Variants in MYO9A observed in about 807,000 individuals in gnomAD.
The protein encoded by MYO9A is unconventional myosin-IXa.
Under a neutral mutation model 293.3 loss-of-function variants are expected in MYO9A, and 103 were observed. That is an observed-to-expected ratio of 0.35 (90% CI 0.30 to 0.41). The LOEUF (loss-of-function observed/expected upper bound fraction) is 0.41, where lower values mean the gene tolerates loss of function less well. Among genes scored for constraint, MYO9A ranks in the 10% least tolerant of loss-of-function variants. The pLI, the probability that MYO9A is intolerant of heterozygous loss-of-function variation, is 1.00. For missense variants in MYO9A, 2,685 were observed against 3,033.0 expected (o/e 0.89, Z 2.69); for synonymous variants, 1,001 against 1,035.7 (o/e 0.97, Z 0.64).
chr15:71,947,649 C>G (rs1005071055), intron 15 of MYO9A, among the ~76,000 whole-genome samples: 2 of 152,154 alleles, frequency 1.3e-5, no homozygotes, highest in African/African-American at 2.4e-5. Context: ...ACTAAACTTT[C>G]AATCATCTGA....
intron 39 of MYO9A, among the ~76,000 whole-genome samples, chr15:71,832,310 G>C (rs909969685): frequency 2.0e-5 from 3 of 152,066 alleles, no homozygotes; most frequent in Non-Finnish European, 4.4e-5. Flanking sequence ...GATCATGGCA[G>C]AGAATTTTTT....
In MYO9A at chr15:71,897,958, C is replaced by T. The variant is rs763319400; in HGVS notation, c.4545G>A (p.Gln1515=). 6.2e-7 allele frequency: 1 copy of T among 1,614,178 alleles called. No individual in the cohort carries two copies. Among genetic ancestry groups the T allele is most frequent in the South Asian group, 1.1e-5 (1 of 91,082 alleles). Residue 1515 remains glutamine, a synonymous_variant, in exon 25 of 42, where the codon CAG becomes CAA. Transcript: ENST00000356056. ...QQQNEKEMME[Q]IRQQTDILEK... ...CTAAAATATCTGTTTGCTGGCGAAT[C>T]TGTTCCATCATCTCTTTTTCATTCT... is the stretch of plus-strand genomic sequence containing the variant.
At chr15:71,829,362 A>G (rs1418408697) in intron 40 of MYO9A, among the ~76,000 whole-genome samples, 2 of 152,168 alleles carry the variant, frequency 1.3e-5, no homozygotes, top group Non-Finnish European at 2.9e-5. Context: ...GAACTCAGGA[A>G]TAAAGATCCC....
chr15:71,992,984 T>C (rs1040653002), intron 10 of MYO9A, among the ~76,000 whole-genome samples: 1 of 151,376 alleles, frequency 6.6e-6, no homozygotes, highest in African/African-American at 2.4e-5. Context: ...AAAAAGTAAA[T>C]AACTAAGAGA....
In MYO9A at chr15:71,898,791, C is replaced by A. The variant is rs1464417728; in HGVS notation, c.3712G>T (p.Ala1238Ser). The A allele has an allele frequency of 6.2e-7, 1 of 1,614,038 alleles. No homozygotes were observed. Among genetic ancestry groups the A allele is most frequent in the Non-Finnish European group, 8.5e-7 (1 of 1,180,040 alleles). Reference sequence around the variant, plus strand: ...AAGTCCACACCACTCTGGCTTTGGGCTCTCTCCTGCTGCTTGTTTGGTGAC... The same window carrying A: ...AAGTCCACACCACTCTGGCTTTGGGATCTCTCCTGCTGCTTGTTTGGTGAC... ...KESPNKQQER[A>S]QSQSGVDLQE... Residue 1238 changes from alanine (A) to serine (S), a missense_variant, in exon 25 of 42, where the codon GCC (alanine) becomes TCC (serine). Physicochemically the swap from Ala to Ser is moderately conservative, Grantham distance 99 (BLOSUM62 1). Around this residue, in one of 10 missense-constraint regions of MYO9A, gnomAD observed 1,434 missense variants for 1,497.7 expected, o/e 0.96. Transcript: ENST00000356056.
intron 11 of MYO9A, 124 bp from the exon 12 acceptor site, chr15:71,978,416 A>G (rs2076195382): frequency 4.4e-6 from 3 of 685,882 alleles, no homozygotes; most frequent in Non-Finnish European, 4.5e-6. Flanking sequence ...AATCCACACA[A>G]TGAAAGAATG....
At chr15:71,946,417 C>T (rs982009183) in intron 15 of MYO9A, among the ~76,000 whole-genome samples, 1 of 152,124 alleles carries the variant, frequency 6.6e-6, no homozygotes, top group Non-Finnish European at 1.5e-5. Flanking sequence ...TTTTAATAAC[C>T]GTTGACGTTC....
chr15:72,089,611 C>G (rs2079844605), intron 1 of MYO9A, among the ~76,000 whole-genome samples: 1 of 152,062 alleles, frequency 6.6e-6, no homozygotes, highest in South Asian at 2.1e-4. Context: ...GAGACTTCGT[C>G]TCTACAAAAA....
At chr15:72,107,717 G>C (rs2080621475) in intron 1 of MYO9A, among the ~76,000 whole-genome samples, 1 of 150,950 alleles carries the variant, frequency 6.6e-6, no homozygotes, top group African/African-American at 2.4e-5. Context: ...ATCATTCAAA[G>C]ACTAATGGGT....
At chr15:71,956,322 A>ATATATATATATATAT (rs1441439642) in intron 14 of MYO9A, among the ~76,000 whole-genome samples, 3 of 15,886 alleles carry the variant, frequency 1.9e-4, no homozygotes, top group Admixed American at 1.5e-3. Context: ...AAAAAAAAAA[A>ATATATATATATATAT]AAAAAAAAAT....
intron 19 of MYO9A, among the ~76,000 whole-genome samples, chr15:71,909,845 T>G (rs1395992483): frequency 6.6e-6 from 1 of 152,008 alleles, no homozygotes; most frequent in East Asian, 1.9e-4. Flanking sequence ...TAGTATAATA[T>G]ACATAGGGCT....
rs2080042368 is a variant in MYO9A at position 72,095,789 on chromosome 15, C to T, written c.-72+21891G>A. ...ATCCTAGGGCTCTTGAGAATTAACGCTAAATCAAGGCCAGATGTGGTGGCT... is the reference window on the plus strand; with the variant it reads ...ATCCTAGGGCTCTTGAGAATTAACGTTAAATCAAGGCCAGATGTGGTGGCT... On this transcript the variant is annotated intron_variant, in intron 1 of 41. Coordinates refer to ENST00000356056, the MANE Select transcript of MYO9A (RefSeq NM_006901.4). Among the ~76,000 whole-genome samples the T allele has an allele frequency of 4.6e-5, 2 of 43,078 alleles. 1 individual carries two copies. The highest frequency in any genetic ancestry group is 3.3e-4 in the Non-Finnish European group (2 of 6,116). The allele number at this position is 43,078 out of a possible 152,430, so 28.3% of individuals were successfully genotyped here.
At position 72,075,761 on chromosome 15, in the gene MYO9A, C is replaced by CA. The variant is rs981797778; in HGVS notation, c.-71-29128dup. On this transcript the variant is annotated intron_variant, in intron 1 of 41. Transcript: ENST00000356056. ...GCAACATAGCAAGACCCCATCTCTA[C>CA]AAAAAAAATTTATAATAAAAATAAT... 3.4e-4 allele frequency among the ~76,000 whole-genome samples: 52 copies of CA among 150,934 alleles called. 1 individual carries two copies. The highest frequency in any genetic ancestry group is 6.3e-4 in the Non-Finnish European group (43 of 67,762).
chr15:71,950,902 G>A (rs908529899), intron 15 of MYO9A, among the ~76,000 whole-genome samples: 3 of 152,178 alleles, frequency 2.0e-5, no homozygotes, highest in Admixed American at 2.0e-4. Context: ...TTGCTGAGTT[G>A]TCTTTGAGTA....
At chr15:71,854,312 T>A in intron 35 of MYO9A, 65 bp downstream of exon 35, 1 of 1,252,368 alleles carries the variant, frequency 8.0e-7, no homozygotes, top group Non-Finnish European at 1.1e-6. Flanking sequence ...ATGAAAACTT[T>A]AAGAGCATGA....
At chr15:71,874,170 A>C (rs1043964940) in intron 32 of MYO9A, among the ~76,000 whole-genome samples, 2 of 152,230 alleles carry the variant, frequency 1.3e-5, no homozygotes, top group African/African-American at 2.4e-5. Flanking sequence ...TCTAACACAG[A>C]TAGTGGAAAA....
At chr15:71,888,854 A>G (rs2057095247) in intron 26 of MYO9A, among the ~76,000 whole-genome samples, 1 of 152,180 alleles carries the variant, frequency 6.6e-6, no homozygotes, top group Non-Finnish European at 1.5e-5. Flanking sequence ...CAGAAAGAGG[A>G]AATACCTTAA....
intron 2 of MYO9A, among the ~76,000 whole-genome samples, chr15:72,043,436 C>T (rs979493437): frequency 1.3e-5 from 2 of 152,022 alleles, no homozygotes; most frequent in African/African-American, 4.8e-5. Context: ...AAAAACAACC[C>T]ATATATCCAT....
intron 31 of MYO9A, among the ~76,000 whole-genome samples, chr15:71,876,892 C>T (rs2056711524): frequency 6.6e-6 from 1 of 152,244 alleles, no homozygotes; most frequent in South Asian, 2.1e-4. Flanking sequence ...CTAAACCCAA[C>T]CTTTTAAACT....
Sources: allele counts gnomAD v4.1 joint callset (sites outside exome capture counted in the v4.1 genomes callset), GRCh38; gene constraint gnomAD v4.1.1; regional missense constraint gnomAD v4.1.1; transcripts MANE v1.5; gene names NCBI Gene and HGNC (gene_info 2026-07-23, HGNC 2026-07-21).